The following GALR1 variants were observed in gnomAD, a reference collection of about 807,000 sequenced individuals.
GALR1 encodes the protein galanin receptor type 1.
GALR1 carries 11 observed loss-of-function variants against 17.9 expected under a neutral mutation model. The observed-to-expected ratio is 0.62, with a 90% CI of 0.39 to 1.02. GALR1 has a LOEUF of 1.02. GALR1 is among the 50% of genes least tolerant of loss of function. The pLI is 0.01. For synonymous variants in GALR1, 206 were observed against 205.7 expected (o/e 1.00, Z -0.01); for missense variants, 441 against 456.9 (o/e 0.97, Z 0.32).
chr18:77,258,733 GGTGATGATGGTT>G, intron 2 of GALR1, among the ~76,000 whole-genome samples: 3 of 115,302 alleles, frequency 2.6e-5, no homozygotes, highest in African/African-American at 9.9e-5. Context: ...TGGTGGTGAT[GGTGATGATGGTT>G]ATGGTGGTGA....
At chr18:77,260,999 GGT>G (rs368155806) in intron 2 of GALR1, among the ~76,000 whole-genome samples, 6,736 of 35,072 alleles carry the variant, frequency 0.19, 221 homozygotes, top group South Asian at 0.41. Flanking sequence ...CAATTTGTGA[GGT>G]TTTTTTTTTT....
rs753795821 is a variant in GALR1 at position 77,251,073 on chromosome 18, C to T, written c.525C>T (p.Gly175=). Residue 175 remains glycine, a synonymous_variant, in exon 1 of 3, where the codon GGC becomes GGT. Coordinates refer to ENST00000299727, the MANE Select transcript of GALR1 (RefSeq NM_001480.4). ...CCTCGCCCGTGGCCTACCACCAGGG[C>T]CTCTTCCACCCGCGCGCCAGCAACC... The part of the protein sequence containing the change: ...AMASPVAYHQ[G]LFHPRASNQT... 3 of 1,609,752 alleles carry T rather than the reference C, an allele frequency of 1.9e-6. No homozygotes were observed. The South Asian group carries it at 3.3e-5, about 18-fold the overall frequency.
intron 1 of GALR1, among the ~76,000 whole-genome samples, chr18:77,255,732 C>T (rs1273620387): frequency 2.0e-5 from 3 of 152,138 alleles, no homozygotes; most frequent in Non-Finnish European, 2.9e-5. Context: ...TCTAGTTTTT[C>T]GATGCATCCA....
intron 1 of GALR1, among the ~76,000 whole-genome samples, chr18:77,252,396 CAAAT>C (rs751857162): frequency 1.3e-5 from 2 of 152,224 alleles, no homozygotes; most frequent in Non-Finnish European, 2.9e-5. Flanking sequence ...TATACGACCA[CAAAT>C]AACCTGACTA....
At chr18:77,257,118 T>C (rs927766559) in intron 2 of GALR1, among the ~76,000 whole-genome samples, 2 of 152,224 alleles carry the variant, frequency 1.3e-5, no homozygotes, top group African/African-American at 4.8e-5. Context: ...GTTTAGATCA[T>C]GTTTAATCAT....
chr18:77,257,551 G>A (rs536042786), intron 2 of GALR1, among the ~76,000 whole-genome samples: 8 of 152,256 alleles, frequency 5.3e-5, no homozygotes, highest in African/African-American at 1.9e-4. Flanking sequence ...GTGATGTGCT[G>A]TTATGGTAGA....
Position 77,256,183 on chromosome 18 carries a change from TGAA to T in GALR1, c.696_698del (p.Lys232del). The T allele has an allele frequency of 6.2e-7, 1 of 1,604,264 alleles. No individual in the cohort carries two copies. Among genetic ancestry groups the T allele is most frequent in the South Asian group, 1.1e-5 (1 of 90,856 alleles). ...GTCCTTAATCACTTGCATAAAAAGT[TGAA>T]GAACATGTCAAAGAAGTCTGAAGCA... On this transcript the variant is annotated inframe_deletion, in exon 2 of 3. Coordinates refer to ENST00000299727, the MANE Select transcript of GALR1 (RefSeq NM_001480.4).
At chr18:77,256,848 A>C (rs1300555805) in intron 2 of GALR1, among the ~76,000 whole-genome samples, 2 of 152,194 alleles carry the variant, frequency 1.3e-5, no homozygotes, top group East Asian at 3.9e-4. Flanking sequence ...ACAGCATCTA[A>C]CTTATTGATG....
At position 77,250,810 on chromosome 18, in the gene GALR1, T is replaced by TC; in HGVS notation, c.262_263insC (p.Cys88SerfsTer138). 6.2e-7 allele frequency: 1 copy of TC among 1,613,972 alleles called. No homozygotes were observed. Among genetic ancestry groups the TC allele is most frequent in the Non-Finnish European group, 8.5e-7 (1 of 1,180,006 alleles). Reference sequence around the variant, plus strand: ...CGCCGACCTGGCCTACCTGCTCTTCTGCATCCCCTTCCAGGCCACCGTGTA... The same window carrying TC: ...CGCCGACCTGGCCTACCTGCTCTTCTCGCATCCCCTTCCAGGCCACCGTGTA... On this transcript the variant is annotated frameshift_variant, in exon 1 of 3. Transcript: ENST00000299727. LOFTEE classifies it high-confidence loss of function.
intron 1 of GALR1, chr18:77,253,927 C>T (rs534489461): frequency 8.5e-5 from 13 of 152,190 alleles, no homozygotes; most frequent in African/African-American, 2.7e-4. Flanking sequence ...GAGGATGAGT[C>T]GAAGTGGTCT....
chr18:77,254,634 CT>C (rs1358800742), intron 1 of GALR1, among the ~76,000 whole-genome samples: 1 of 152,230 alleles, frequency 6.6e-6, no homozygotes, highest in African/African-American at 2.4e-5. Flanking sequence ...CTAGGCAGTC[CT>C]GTCCTCTTGG....
rs1026871578 is a variant in GALR1 at position 77,256,292 on chromosome 18, G to A, written c.732+69G>A. 11 of 865,378 alleles carry A rather than the reference G, an allele frequency of 1.3e-5. No homozygotes were observed. In the African/African-American group the frequency reaches 1.9e-4, roughly 15 times the overall value. 53.6% of individuals were successfully genotyped at this position (865,378 alleles called of 1,614,324 possible). On this transcript the variant is annotated intron_variant, in intron 2 of 2. Transcript: ENST00000299727. ...TAGTTTACCTTTGTTTTTTTTACTT[G>A]TCCTCACGTCCATCCAAAGCCTGTA...
chr18:77,276,732 G>T lies in GALR1; in HGVS notation c.*7830G>T, dbSNP rs978361638. ...GGTCTTTTAAAGTCTAAGCTTCTAT[G>T]GTTCTGTGAAAAAAATTGTTTACAT... On this transcript the variant is annotated 3_prime_UTR_variant, in exon 3 of 3. Coordinates refer to ENST00000299727, the MANE Select transcript of GALR1 (RefSeq NM_001480.4). 3.9e-5 allele frequency: 6 copies of T among 152,006 alleles called. No homozygotes were observed. The highest frequency in any genetic ancestry group is 1.4e-4 in the African/African-American group (6 of 41,400). The allele number at this position is 152,006 out of a possible 1,614,324, so 9.4% of individuals were successfully genotyped here.
rs182289068 is a variant in GALR1 at position 77,254,851 on chromosome 18, A to T, written c.667-1307A>T. ...CACGTAAACACTTGTTTTGTTGCAG[A>T]TGTTGCTGAGTCATTTCAGGAAGTG... On this transcript the variant is annotated intron_variant, in intron 1 of 2. Transcript: ENST00000299727. Among the ~76,000 whole-genome samples the T allele has an allele frequency of 1.6e-4, 25 of 152,268 alleles. 3 individuals carry two copies. Among genetic ancestry groups the T allele is most frequent in the African/African-American group, 5.8e-4 (24 of 41,558 alleles).
intron 2 of GALR1, among the ~76,000 whole-genome samples, chr18:77,268,016 A>G (rs1912979610): frequency 6.6e-6 from 1 of 152,244 alleles, no homozygotes; most frequent in Non-Finnish European, 1.5e-5. Context: ...AAAGAGTTAA[A>G]ATGAAAGAAA....
In GALR1 at chr18:77,256,222, A is replaced by G. The variant is rs906530178; in HGVS notation, c.731A>G (p.Lys244Arg). ...AAGAAGTCTGAAGCATCCAAGAAAA[A>G]GGTAATGATCACAAATATATATATA... ...MSKKSEASKK[K>R]TAQTVLVVVV... Residue 244 changes from lysine (K) to arginine (R), a missense_variant and splice_region_variant, in exon 2 of 3, where the codon AAG (lysine) becomes AGG (arginine). Physicochemically the swap from Lys to Arg is conservative, Grantham distance 26. Transcript: ENST00000299727. 14 of 1,538,926 alleles carry G rather than the reference A, an allele frequency of 9.1e-6. No homozygotes were observed. Among genetic ancestry groups the G allele is most frequent in the Non-Finnish European group, 9.9e-6 (11 of 1,112,622 alleles).
chr18:77,259,044 C>G (rs796702303), intron 2 of GALR1, among the ~76,000 whole-genome samples: 3 of 4,760 alleles, frequency 6.3e-4, no homozygotes, highest in Admixed American at 3.2e-3. Context: ...TCATGATGGT[C>G]ATGGTGGTGA....
Position 77,268,944 on chromosome 18 carries a change from G to A in GALR1, c.*42G>A, listed in dbSNP as rs1568144941. The stretch of plus-strand genomic sequence containing the variant: ...CTTATGGTTGAGTTTCCATATAAGT[G>A]GACCAGACACAGAAACAAACAGAAT... On this transcript the variant is annotated 3_prime_UTR_variant, in exon 3 of 3. Transcript: ENST00000299727. 4 of 1,425,474 alleles carry A rather than the reference G, an allele frequency of 2.8e-6. No homozygotes were observed. Among genetic ancestry groups the A allele is most frequent in the East Asian group, 2.3e-5 (1 of 43,778 alleles). The allele number at this position is 1,425,474 out of a possible 1,614,324, so 88.3% of individuals were successfully genotyped here. A position where few individuals can be genotyped will look rare whatever the true frequency, so the allele number is the denominator to read the frequency against.
rs550262087 is a variant in GALR1 at position 77,272,597 on chromosome 18, T to C, written c.*3695T>C. The C allele has an allele frequency of 2.6e-5, 4 of 152,374 alleles. No homozygotes were observed. Among genetic ancestry groups the C allele is most frequent in the African/African-American group, 9.6e-5 (4 of 41,598 alleles). The allele number at this position is 152,374 out of a possible 1,614,324, so 9.4% of individuals were successfully genotyped here. On this transcript the variant is annotated 3_prime_UTR_variant, in exon 3 of 3. Coordinates refer to ENST00000299727, the MANE Select transcript of GALR1 (RefSeq NM_001480.4). Reference sequence around the variant, plus strand: ...GTTACTGTCTAAAATTTGTAAATTTTAATCTTCACTGTTGCACATATTTTC... The same window carrying C: ...GTTACTGTCTAAAATTTGTAAATTTCAATCTTCACTGTTGCACATATTTTC...
Sources: allele counts gnomAD v4.1 joint callset (sites outside exome capture counted in the v4.1 genomes callset), GRCh38; gene constraint gnomAD v4.1.1; transcripts MANE v1.5; gene names NCBI Gene and HGNC (gene_info 2026-07-23, HGNC 2026-07-21).